ARID3B: variants seen among roughly 807,000 people sequenced by gnomAD.
ARID3B encodes the protein AT-rich interaction domain 3B.
In ARID3B, 10 loss-of-function variants were observed where a neutral mutation model predicts 51.9. The observed-to-expected ratio is 0.19, with a 90% CI of 0.12 to 0.33. The LOEUF (loss-of-function observed/expected upper bound fraction) is 0.33, where lower values mean the gene tolerates loss of function less well. Ranked by LOEUF, ARID3B falls within the 10% of genes least tolerant of loss-of-function variation. ARID3B has a pLI of 1.00. For missense variants in ARID3B, 483 were observed against 716.3 expected (o/e 0.67, Z 3.72); for synonymous variants, 205 against 279.5 (o/e 0.73, Z 2.66).
chr15:74,569,364 T>TTA (rs2061711417), intron 2 of ARID3B, among the ~76,000 whole-genome samples: 2 of 151,416 alleles, frequency 1.3e-5, no homozygotes, highest in Non-Finnish European at 2.9e-5. Context: ...TATTATTATT[T>TTA]TTGGTAGAGA....
chr15:74,550,011 A>C (rs575277618), intron 2 of ARID3B, among the ~76,000 whole-genome samples: 1 of 152,260 alleles, frequency 6.6e-6, no homozygotes, highest in Non-Finnish European at 1.5e-5. Flanking sequence ...AAGCTTCGCT[A>C]TCATCAGACA....
chr15:74,570,627 T>A (rs375766295), intron 2 of ARID3B, among the ~76,000 whole-genome samples: 2 of 152,146 alleles, frequency 1.3e-5, no homozygotes, highest in South Asian at 2.1e-4. Context: ...GAAGCGGCAA[T>A]GATCCCCCAT....
At chr15:74,582,448 G>A (rs541281334) in intron 4 of ARID3B, among the ~76,000 whole-genome samples, 4 of 152,242 alleles carry the variant, frequency 2.6e-5, no homozygotes, top group Admixed American at 1.3e-4. Context: ...AATTACAGGC[G>A]TGAGCCACCG....
chr15:74,572,997 T>G (rs961044651), intron 3 of ARID3B, 64 bp downstream of exon 3: 1 of 1,599,028 alleles, frequency 6.3e-7, no homozygotes, highest in Non-Finnish European at 8.6e-7. Context: ...TACAGCTGAT[T>G]CCCAAGAAAT....
At chr15:74,560,425 CT>C (rs2061675844) in intron 2 of ARID3B, among the ~76,000 whole-genome samples, 3 of 152,010 alleles carry the variant, frequency 2.0e-5, no homozygotes, top group African/African-American at 7.2e-5. Context: ...GGAGCTTTTT[CT>C]TTTCACAAAT....
chr15:74,550,171 G>A (rs1432970029), intron 2 of ARID3B, among the ~76,000 whole-genome samples: 1 of 152,112 alleles, frequency 6.6e-6, no homozygotes, highest in Non-Finnish European at 1.5e-5. Flanking sequence ...CTTGGGAAAG[G>A]TTTGGGGCCT....
intron 2 of ARID3B, among the ~76,000 whole-genome samples, chr15:74,562,041 A>T (rs1482928735): frequency 4.1e-4 from 37 of 89,402 alleles, no homozygotes; most frequent in African/African-American, 1.3e-3. Flanking sequence ...ACTCTGTCTT[A>T]AAAAAAAAAA....
In ARID3B at chr15:74,573,128, G is replaced by T; in HGVS notation, c.625-4G>T. 1 of 1,613,870 alleles carries T rather than the reference G, an allele frequency of 6.2e-7. No individual in the cohort carries two copies. The highest frequency in any genetic ancestry group is 1.7e-5 in the Admixed American group (1 of 60,014). On this transcript the variant is annotated splice_region_variant and splice_polypyrimidine_tract_variant and intron_variant, in intron 3 of 8. Transcript: ENST00000346246. ...GTGTTTTTCTTGGGGGATTGGGATT[G>T]CAGCTGTATGAACTGGACGGTGATC... is the stretch of plus-strand genomic sequence containing the variant.
intron 4 of ARID3B, among the ~76,000 whole-genome samples, chr15:74,584,282 G>A (rs1421431314): frequency 6.6e-6 from 1 of 152,234 alleles, no homozygotes; most frequent in African/African-American, 2.4e-5. Context: ...CTTCTGGGGA[G>A]CAGTTCTAGA....
intron 4 of ARID3B, among the ~76,000 whole-genome samples, chr15:74,578,959 GA>G (rs1237535827): frequency 6.6e-6 from 1 of 152,164 alleles, no homozygotes; most frequent in South Asian, 2.1e-4. Context: ...AGAAACGAAA[GA>G]AAATAGCCTG....
chr15:74,546,487 G>T (rs538649406), intron 2 of ARID3B, among the ~76,000 whole-genome samples: 1 of 152,180 alleles, frequency 6.6e-6, no homozygotes, highest in African/African-American at 2.4e-5. Context: ...CAGGTGTTGA[G>T]GTCAAGCCAT....
intron 4 of ARID3B, among the ~76,000 whole-genome samples, chr15:74,577,379 C>T (rs999274590): frequency 4.6e-5 from 7 of 151,906 alleles, no homozygotes; most frequent in South Asian, 2.1e-4. Flanking sequence ...CACTTGAACC[C>T]GGGAGGCGGA....
intron 4 of ARID3B, among the ~76,000 whole-genome samples, chr15:74,586,075 C>G (rs910674479): frequency 6.6e-6 from 1 of 152,204 alleles, no homozygotes. Context: ...ACCAGGGTGC[C>G]TGATCAGGGC....
chr15:74,572,652 T>A (rs2141465561), intron 2 of ARID3B, among the ~76,000 whole-genome samples: 1 of 152,280 alleles, frequency 6.6e-6, no homozygotes, highest in East Asian at 1.9e-4. Context: ...GATTCCCTCT[T>A]TATTTTGGAA....
chr15:74,560,453 A>G (rs1264811925), intron 2 of ARID3B, among the ~76,000 whole-genome samples: 1 of 152,120 alleles, frequency 6.6e-6, no homozygotes, highest in Non-Finnish European at 1.5e-5. Context: ...TGTCTGTTCT[A>G]CATATTGTTC....
intron 1 of ARID3B, 26 bp from the exon 2 acceptor site, chr15:74,543,832 TTC>T: frequency 1.4e-6 from 2 of 1,443,702 alleles, no homozygotes; most frequent in Non-Finnish European, 1.9e-6. Flanking sequence ...TTCCCCCTCC[TTC>T]TTTGTGGTTT....
Position 74,591,931 on chromosome 15 carries a change from C to T in ARID3B, c.1420+117C>T. ...CATACTCCTGACCTGGAAGAGGCCCCTCCAGGTTCTGCCTTCCAGGCCCCT... is the reference window on the plus strand; with the variant it reads ...CATACTCCTGACCTGGAAGAGGCCCTTCCAGGTTCTGCCTTCCAGGCCCCT... On this transcript the variant is annotated intron_variant, in intron 7 of 8. Coordinates refer to ENST00000346246, the MANE Select transcript of ARID3B (RefSeq NM_006465.4). This position sits in a 1 kb window ranked among gnomAD's most constrained non-coding sequence, Gnocchi z 5.8. 6.8e-7 allele frequency: 1 copy of T among 1,462,740 alleles called. No homozygotes were observed. The highest frequency in any genetic ancestry group is 9.2e-7 in the Non-Finnish European group (1 of 1,091,146). The allele number at this position is 1,462,740 out of a possible 1,614,324, so 90.6% of individuals were successfully genotyped here.
At chr15:74,589,773 G>T in intron 4 of ARID3B, 47 bp from the exon 5 acceptor site, 1 of 1,554,520 alleles carries the variant, frequency 6.4e-7, no homozygotes, top group Non-Finnish European at 8.8e-7. Context: ...TTTCTTCTCA[G>T]CCTGATGATG....
At chr15:74,562,243 G>A (rs2061681926) in intron 2 of ARID3B, among the ~76,000 whole-genome samples, 1 of 152,088 alleles carries the variant, frequency 6.6e-6, no homozygotes, top group Non-Finnish European at 1.5e-5. Flanking sequence ...CCAGGTTCAA[G>A]CAATTCTCCT....
Sources: gnomAD v4.1 joint callset for allele counts (sites outside exome capture counted in the v4.1 genomes callset) on GRCh38, gnomAD v4.1.1 for gene constraint, Gnocchi (gnomAD v3.1) non-coding constraint, MANE v1.5 for transcripts, NCBI Gene and HGNC (gene_info 2026-07-23, HGNC 2026-07-21) for gene names.